Variants in TAF8 observed in about 807,000 individuals in gnomAD.
TAF8 encodes the protein transcription initiation factor TFIID subunit 8.
In TAF8, 47 loss-of-function variants were observed where a neutral mutation model predicts 36.5. The ratio of observed to expected loss-of-function variants is 1.29; its 90% CI spans 1.02 to 1.64. TAF8 has a LOEUF of 1.64. Ranked by LOEUF, TAF8 falls within the 40% of genes most tolerant of loss-of-function variation. TAF8 has a pLI of 0.00. For missense variants in TAF8, 420 were observed against 407.6 expected, an observed-to-expected ratio of 1.03 and a Z score of -0.26; for synonymous variants, 175 against 159.5, an observed-to-expected ratio of 1.10 and a Z score of -0.73.
At position 42,055,559 on chromosome 6, in the gene TAF8, G is replaced by A. The variant is rs778818902; in HGVS notation, c.231G>A (p.Lys77=). Residue 77 remains lysine (K), a synonymous_variant, in exon 3 of 9, where the codon AAG becomes AAA. Coordinates refer to ENST00000372977, the MANE Select transcript of TAF8 (RefSeq NM_138572.3). ...SYISEIGRSA[K]SYCEHTARTQ... is the part of the protein sequence containing the mutation. ...TTTCAGAAATTGGGAGAAGTGCCAA[G>A]TCTTACTGTGAGCACACAGCCAGGA... The A allele has an allele frequency of 1.9e-6, 3 of 1,614,166 alleles. No homozygotes were observed. Among genetic ancestry groups the A allele is most frequent in the South Asian group, 2.2e-5 (2 of 91,086 alleles).
chr6:42,066,348 C>T lies in TAF8; in HGVS notation c.526C>T (p.Arg176Trp), dbSNP rs769940264. The change falls in exon 6 of 9, where the codon CGG becomes TGG. Residue 176 changes from arginine to tryptophan, a missense_variant. Arg to Trp is a moderately radical substitution (Grantham distance 101). Coordinates refer to ENST00000372977, the MANE Select transcript of TAF8 (RefSeq NM_138572.3). ...GCCCGTGTCAGACTACCAGGTCCTG[C>T]GGGAGAAGGCTGCATCCCAGAGGCG... ...REPVSDYQVL[R>W]EKAASQRRDV... 2.5e-6 allele frequency: 4 copies of T among 1,614,094 alleles called. No homozygotes were observed. Among genetic ancestry groups the T allele is most frequent in the South Asian group, 1.1e-5 (1 of 91,090 alleles).
intron 5 of TAF8, among the ~76,000 whole-genome samples, chr6:42,058,712 G>A (rs1160215582): frequency 6.6e-6 from 1 of 152,154 alleles, no homozygotes. Context: ...CTGGGCTGCT[G>A]TAACAAAATG....
At chr6:42,087,071 G>A (rs1324903162), downstream of TAF8, 11 of 403,038 alleles carry the variant, frequency 2.7e-5, no homozygotes, top group East Asian at 9.4e-5. Context: ...TTGTGGCCTC[G>A]CCTGAAGCCT....
At chr6:42,061,593 CATA>C (rs1765191590) in intron 5 of TAF8, among the ~76,000 whole-genome samples, 1 of 152,172 alleles carries the variant, frequency 6.6e-6, no homozygotes, top group South Asian at 2.1e-4. Flanking sequence ...AATCTGTTAA[CATA>C]ATCATTATAA....
Position 42,051,351 on chromosome 6 carries a change from TCA to T in TAF8, c.46-3_46-2del. 6.2e-7 allele frequency: 1 copy of T among 1,610,174 alleles called. No homozygotes were observed. Among genetic ancestry groups the T allele is most frequent in the Non-Finnish European group, 8.5e-7 (1 of 1,176,702 alleles). ...TGTGGATGAAAATCTCTCTGCTGAT[TCA>T]CAGAGATCGGGAAGTAAACAGTCCA... On this transcript the variant is annotated splice_region_variant and splice_polypyrimidine_tract_variant and intron_variant, in intron 1 of 8. Transcript: ENST00000372977.
intron 6 of TAF8, among the ~76,000 whole-genome samples, chr6:42,067,754 G>A (rs990274313): frequency 2.0e-5 from 3 of 151,584 alleles, no homozygotes; most frequent in South Asian, 2.1e-4. Context: ...TCCTAGAGAC[G>A]GGATTTCACC....
Position 42,078,328 on chromosome 6 carries a change from G to C in TAF8, c.*783G>C. 1.0e-6 allele frequency: 1 copy of C among 985,208 alleles called. No individual in the cohort carries two copies. The highest frequency in any genetic ancestry group is 1.2e-6 in the Non-Finnish European group (1 of 829,798). The allele number at this position is 985,208 out of a possible 1,614,324, so 61.0% of individuals were successfully genotyped here. On this transcript the variant is annotated 3_prime_UTR_variant, in exon 9 of 9. Transcript: ENST00000372977. Reference sequence around the variant, plus strand: ...AGGAAGGAAAGGGCTCTTTGCTGCTGTGCTTATTACAAGGAAGACTGTTTG... The same window carrying C: ...AGGAAGGAAAGGGCTCTTTGCTGCTCTGCTTATTACAAGGAAGACTGTTTG...
chr6:42,068,347 G>C, intron 6 of TAF8, 118 bp from the exon 7 acceptor site: 7 of 1,095,810 alleles, frequency 6.4e-6, no homozygotes, highest in Non-Finnish European at 9.5e-6. Flanking sequence ...TACTTGGAGC[G>C]AGTTAGCTAG....
rs1241545578 is a variant in TAF8 at position 42,077,534 on chromosome 6, TC to T, written c.925del (p.Leu309SerfsTer22). The T allele has an allele frequency of 6.2e-7, 1 of 1,612,880 alleles. No individual in the cohort carries two copies. Among genetic ancestry groups the T allele is most frequent in the Admixed American group, 1.7e-5 (1 of 59,846 alleles). ...VKKPKIRRKK[S>X]LS is the part of the protein sequence containing the mutation. ...CTCCATGGTTCCTCTTCTTTCTAGG[TC>T]CCTCTCCTGAGCTGAGAAGGAAACC... On this transcript the variant is annotated frameshift_variant and splice_region_variant, in exon 9 of 9. Transcript: ENST00000372977. LOFTEE classifies it high-confidence loss of function.
At chr6:42,064,074 A>AT (rs922395060) in intron 5 of TAF8, among the ~76,000 whole-genome samples, 2 of 152,056 alleles carry the variant, frequency 1.3e-5, no homozygotes, top group African/African-American at 4.8e-5. Context: ...CATAAAACTA[A>AT]TTTTTTTCAT....
rs934494217 is a variant in TAF8, at chr6:42,079,664, G to T, written c.*2119G>T. 3 of 789,342 alleles carry T rather than the reference G, an allele frequency of 3.8e-6. No homozygotes were observed. Among genetic ancestry groups the T allele is most frequent in the Non-Finnish European group, 1.5e-6 (1 of 651,998 alleles). The allele number at this position is 789,342 out of a possible 1,614,324, so 48.9% of individuals were successfully genotyped here. ...TGCAACCTCCACTCCCCGGGTTCAA[G>T]CAATTCTCAGAGTAGCTGGGATTAC... is the stretch of plus-strand genomic sequence containing the variant. On this transcript the variant is annotated 3_prime_UTR_variant, in exon 9 of 9. Coordinates refer to ENST00000372977, the MANE Select transcript of TAF8 (RefSeq NM_138572.3).
At position 42,050,559 on chromosome 6, in the gene TAF8, CA is replaced by C. The variant is rs1764725514; in HGVS notation, c.19del (p.Thr7GlnfsTer35). On this transcript the variant is annotated frameshift_variant, in exon 1 of 9. Coordinates refer to ENST00000372977, the MANE Select transcript of TAF8 (RefSeq NM_138572.3). LOFTEE classifies it high-confidence loss of function. ...AGAACAAGATGGCCGACGCGGCGGC[CA>C]CAGCTGGGGCCGGTGGCTCCGGAAC... MADAAA[T>X]AGAGGSGTRS... is the part of the protein sequence containing the mutation. The C allele has an allele frequency of 6.4e-7, 1 of 1,556,536 alleles. No homozygotes were observed. Among genetic ancestry groups the C allele is most frequent in the East Asian group, 2.4e-5 (1 of 41,838 alleles).
rs192280113 is a variant in TAF8, at chr6:42,056,634, G to A, written c.364+620G>A. On this transcript the variant is annotated intron_variant, in intron 4 of 8. Coordinates refer to ENST00000372977, the MANE Select transcript of TAF8 (RefSeq NM_138572.3). Reference sequence around the variant, plus strand: ...CTTTCTTTTTTTGAGATGGAGTCTCGCTCTGTTGCCCAGGCTGGAGTGCAG... The same window carrying A: ...CTTTCTTTTTTTGAGATGGAGTCTCACTCTGTTGCCCAGGCTGGAGTGCAG... Among the ~76,000 whole-genome samples the A allele has an allele frequency of 1.6e-3, 238 of 152,114 alleles. 1 individual carries two copies. The highest frequency in any genetic ancestry group is 5.4e-3 in the African/African-American group (225 of 41,506).
intron 5 of TAF8, among the ~76,000 whole-genome samples, chr6:42,064,204 CA>C (rs1765276860): frequency 6.6e-6 from 1 of 151,956 alleles, no homozygotes; most frequent in African/African-American, 2.4e-5. Flanking sequence ...ATGTTTTTAA[CA>C]AGTACAATAT....
At chr6:42,076,419 C>T (rs1345303039) in intron 7 of TAF8, among the ~76,000 whole-genome samples, 1 of 152,202 alleles carries the variant, frequency 6.6e-6, no homozygotes, top group Non-Finnish European at 1.5e-5. Flanking sequence ...CACTGCACTC[C>T]AGCCTGGGTG....
intron 7 of TAF8, among the ~76,000 whole-genome samples, chr6:42,069,290 C>A (rs1270719813): frequency 1.3e-5 from 2 of 152,074 alleles, no homozygotes; most frequent in Non-Finnish European, 2.9e-5. Context: ...GGTAGGTTTG[C>A]TAACAGGGTC....
rs1356805227 is a variant in TAF8, at chr6:42,057,314, G to A, written c.365-75G>A. Reference sequence around the variant, plus strand: ...TCTGGCATTTTTTTGAGAAAAGGAGGCTTTGGGGAGAGACCATAATCTGTA... The same window carrying A: ...TCTGGCATTTTTTTGAGAAAAGGAGACTTTGGGGAGAGACCATAATCTGTA... On this transcript the variant is annotated intron_variant, in intron 4 of 8. Transcript: ENST00000372977. 23 of 1,596,252 alleles carry A rather than the reference G, an allele frequency of 1.4e-5. No individual in the cohort carries two copies. In the Admixed American group the frequency reaches 1.8e-4, roughly 12 times the overall value.
intron 5 of TAF8, among the ~76,000 whole-genome samples, chr6:42,059,219 T>G (rs1444595799): frequency 6.6e-5 from 10 of 151,724 alleles, no homozygotes; most frequent in Admixed American, 2.6e-4. Flanking sequence ...CCGTCTTTAC[T>G]AAAAATACAA....
At chr6:42,051,553 A>T in intron 2 of TAF8, 40 bp downstream of exon 2, 1 of 1,602,880 alleles carries the variant, frequency 6.2e-7, no homozygotes, top group Non-Finnish European at 8.5e-7. Context: ...GTCAACCCCA[A>T]CATCAGTTCT....
Sources: allele counts gnomAD v4.1 joint callset (sites outside exome capture counted in the v4.1 genomes callset), GRCh38; gene constraint gnomAD v4.1.1; transcripts MANE v1.5; gene names NCBI Gene and HGNC (gene_info 2026-07-23, HGNC 2026-07-21).